The following ZNF678 variants were observed in gnomAD, a reference collection of about 807,000 sequenced individuals.
ZNF678 encodes the protein hypothetical protein MGC42493.
Under a neutral mutation model 3.0 loss-of-function variants are expected in ZNF678, and 5 were observed. The observed-to-expected ratio is 1.69, with a 90% confidence interval of 0.88 to 3.56. The LOEUF (loss-of-function observed/expected upper bound fraction) is 3.56, where lower values mean the gene tolerates loss of function less well. Among genes scored for constraint, ZNF678 ranks in the 30% most tolerant of loss-of-function variants. The pLI is 0.00. For synonymous variants in ZNF678, 218 were observed against 199.6 expected, an observed-to-expected ratio of 1.09 and a Z score of -0.78; for missense variants, 593 against 605.0, an observed-to-expected ratio of 0.98 and a Z score of 0.21.
At chr1:227,610,439 A>G (rs949554092) in intron 1 of ZNF678, among the ~76,000 whole-genome samples, 4 of 152,206 alleles carry the variant, frequency 2.6e-5, no homozygotes, top group Admixed American at 1.3e-4. Flanking sequence ...CCTAAAACCC[A>G]TGGGCATTTA....
chr1:227,580,394 A>G (rs187524535), intron 1 of ZNF678, among the ~76,000 whole-genome samples: 2 of 152,266 alleles, frequency 1.3e-5, no homozygotes, highest in African/African-American at 4.8e-5. Context: ...AAAGCAAATG[A>G]TATAAAATTG....
chr1:227,629,735 C>T (rs1277304373), intron 1 of ZNF678, among the ~76,000 whole-genome samples: 1 of 152,208 alleles, frequency 6.6e-6, no homozygotes, highest in East Asian at 1.9e-4. Flanking sequence ...GACCTTCATA[C>T]CCTGGGGTGC....
chr1:227,648,964 T>A (rs374554629), intron 2 of ZNF678, among the ~76,000 whole-genome samples: 1 of 152,386 alleles, frequency 6.6e-6, no homozygotes, highest in East Asian at 1.9e-4. Context: ...TCATACAGTA[T>A]CTGCCTTTTG....
Position 227,654,887 on chromosome 1 carries a change from G to T in ZNF678, c.637G>T (p.Glu213Ter). The T allele has an allele frequency of 6.2e-7, 1 of 1,608,718 alleles. No individual in the cohort carries two copies. Among genetic ancestry groups the T allele is most frequent in the Non-Finnish European group, 8.5e-7 (1 of 1,179,066 alleles). Residue 213 changes from glutamate to a stop codon, truncating the protein, a stop_gained, in exon 4 of 4, where the codon GAA (glutamate) becomes TAA (stop). Coordinates refer to ENST00000343776, the MANE Select transcript of ZNF678 (RefSeq NM_001367909.1). LOFTEE classifies it low-confidence loss of function (END_TRUNC). ...HSGEKPYPCE[E>*]CGKAFTQFSN... ...TGGAGAGAAACCATACCCATGTGAAGAATGTGGCAAAGCCTTTACCCAGTT... is the reference window on the plus strand; with the variant it reads ...TGGAGAGAAACCATACCCATGTGAATAATGTGGCAAAGCCTTTACCCAGTT...
Position 227,655,714 on chromosome 1 carries a change from C to T in ZNF678, c.1464C>T (p.Arg488=). The T allele has an allele frequency of 6.2e-7, 1 of 1,612,630 alleles. No individual in the cohort carries two copies. Among genetic ancestry groups the T allele is most frequent in the Non-Finnish European group, 8.5e-7 (1 of 1,179,146 alleles). ...RHKRIHTGEK[R]YKCKECGKGF... is the part of the protein sequence containing the mutation. ...AAAGAATTCATACTGGAGAGAAACG[C>T]TACAAATGTAAAGAATGTGGAAAAG... Residue 488 remains arginine (R), a synonymous_variant, in exon 4 of 4, where the codon CGC becomes CGT. Coordinates refer to ENST00000343776, the MANE Select transcript of ZNF678 (RefSeq NM_001367909.1).
chr1:227,581,865 A>G (rs1011265189), intron 1 of ZNF678, among the ~76,000 whole-genome samples: 1 of 152,152 alleles, frequency 6.6e-6, no homozygotes, highest in African/African-American at 2.4e-5. Flanking sequence ...TACAATTTAC[A>G]TTTCCACCAG....
intron 1 of ZNF678, among the ~76,000 whole-genome samples, chr1:227,592,612 AC>A (rs1210693675): frequency 6.6e-6 from 1 of 152,252 alleles, no homozygotes; most frequent in Admixed American, 6.5e-5. Context: ...TATCTAATCT[AC>A]ATTTTTATTA....
At chr1:227,598,934 A>G (rs566447440) in intron 1 of ZNF678, 3 of 770,622 alleles carry the variant, frequency 3.9e-6, no homozygotes, top group Admixed American at 3.8e-5. Flanking sequence ...GTCTCTTTCT[A>G]GTTCTTTCTT....
intron 3 of ZNF678, among the ~76,000 whole-genome samples, chr1:227,651,385 G>T (rs1245693367): frequency 2.0e-5 from 3 of 152,172 alleles, no homozygotes; most frequent in African/African-American, 7.2e-5. Flanking sequence ...TGGCAAGACT[G>T]TCCACAGAAT....
chr1:227,565,072 T>TA (rs1420138297), intron 1 of ZNF678, among the ~76,000 whole-genome samples: 2,374 of 138,292 alleles, frequency 0.017, 135 homozygotes, highest in South Asian at 0.067. Context: ...TTTTTTTTTT[T>TA]TTTTTTTTGG....
At chr1:227,633,916 C>T (rs1010166232) in intron 1 of ZNF678, among the ~76,000 whole-genome samples, 1 of 152,186 alleles carries the variant, frequency 6.6e-6, no homozygotes, top group African/African-American at 2.4e-5. Flanking sequence ...CTGACATCAC[C>T]CCTCCCCTAA....
At chr1:227,666,300 A>G (rs7550328), downstream of ZNF678, among the ~76,000 whole-genome samples, 3,803 of 152,228 alleles carry the variant, frequency 0.025, 162 homozygotes, top group African/African-American at 0.087. Flanking sequence ...TAAAAAGTCT[A>G]CCTTCAAATC....
At chr1:227,620,275 CT>C (rs1658248254) in intron 1 of ZNF678, among the ~76,000 whole-genome samples, 1 of 152,144 alleles carries the variant, frequency 6.6e-6, no homozygotes, top group Non-Finnish European at 1.5e-5. Flanking sequence ...CAAGTTGCTC[CT>C]TTTTCCCCCC....
chr1:227,666,446 G>C (rs908911128), downstream of ZNF678, among the ~76,000 whole-genome samples: 1 of 152,096 alleles, frequency 6.6e-6, no homozygotes, highest in African/African-American at 2.4e-5. Context: ...TATAGTCAGC[G>C]TTCACTAATG....
At chr1:227,607,426 A>G (rs554892621) in intron 1 of ZNF678, among the ~76,000 whole-genome samples, 248 of 152,280 alleles carry the variant, frequency 1.6e-3, no homozygotes, top group Non-Finnish European at 2.4e-3. Context: ...CTAGAAGATT[A>G]TGTCATTTGA....
rs771815105 is a variant in ZNF678 at position 227,646,538 on chromosome 1, C to G, written c.-163-6C>G. 7 of 1,370,216 alleles carry G rather than the reference C, an allele frequency of 5.1e-6. No individual in the cohort carries two copies. In the East Asian group the frequency reaches 2.3e-4, roughly 44 times the overall value. The allele number at this position is 1,370,216 out of a possible 1,614,324, so 84.9% of individuals were successfully genotyped here. ...GTAAATACGTGTGTATTTTTCCCCC[C>G]CCCAGGGACTACTGGCATTCAGTGA... On this transcript the variant is annotated splice_region_variant and splice_polypyrimidine_tract_variant and intron_variant, in intron 1 of 3. Coordinates refer to ENST00000343776, the MANE Select transcript of ZNF678 (RefSeq NM_001367909.1).
At chr1:227,617,426 G>A (rs1055297624) in intron 1 of ZNF678, among the ~76,000 whole-genome samples, 1 of 152,202 alleles carries the variant, frequency 6.6e-6, no homozygotes, top group Non-Finnish European at 1.5e-5. Flanking sequence ...GTCATGGGGA[G>A]TACCTTATGA....
At chr1:227,622,139 A>G (rs1210895952) in intron 1 of ZNF678, among the ~76,000 whole-genome samples, 1 of 152,210 alleles carries the variant, frequency 6.6e-6, no homozygotes, top group Non-Finnish European at 1.5e-5. Flanking sequence ...AGTTCCCATA[A>G]GAAACATTTA....
At chr1:227,669,726 TAAAA>T in intron 5 of ZNF678, among the ~76,000 whole-genome samples, 1 of 151,382 alleles carries the variant, frequency 6.6e-6, no homozygotes. Context: ...AGGCTGCAGA[TAAAA>T]AAAACCCATA....
Sources: gnomAD v4.1 joint callset for allele counts (sites outside exome capture counted in the v4.1 genomes callset) on GRCh38, gnomAD v4.1.1 for gene constraint, MANE v1.5 for transcripts, NCBI Gene and HGNC (gene_info 2026-07-23, HGNC 2026-07-21) for gene names.